SCLT1: variants seen among roughly 807,000 people sequenced by gnomAD.
SCLT1 encodes the protein sodium channel and clathrin linker 1.
Under a neutral mutation model 112.8 loss-of-function variants are expected in SCLT1, and 78 were observed. The observed-to-expected ratio is 0.69, with a 90% confidence interval of 0.58 to 0.83. The LOEUF (loss-of-function observed/expected upper bound fraction) is 0.83. Among genes scored for constraint, SCLT1 ranks in the 40% least tolerant of loss-of-function variants. The pLI, the probability that SCLT1 is intolerant of heterozygous loss-of-function variation, is 0.00. For missense variants in SCLT1, 747 were observed against 770.4 expected (o/e 0.97, Z 0.36); for synonymous variants, 257 against 254.7 (o/e 1.01, Z -0.09).
At chr4:129,046,841 T>C (rs1464289109) in intron 2 of SCLT1, among the ~76,000 whole-genome samples, 1 of 152,148 alleles carries the variant, frequency 6.6e-6, no homozygotes, top group Non-Finnish European at 1.5e-5. Flanking sequence ...ACTATGCTTT[T>C]CACTCTAGCC....
rs184520005 is a variant in SCLT1 at position 129,020,647 on chromosome 4, A to T, written c.291-16771T>A. 1.2e-4 allele frequency among the ~76,000 whole-genome samples: 19 copies of T among 152,328 alleles called. No individual in the cohort carries two copies. The East Asian group carries it at 3.7e-3, about 29-fold the overall frequency. ...AAGGCCATATGAACTGGTAAGAGGA[A>T]CACACCTGTAGATACATTCAGGTTT... On this transcript the variant is annotated intron_variant, in intron 5 of 20. Transcript: ENST00000281142.
intron 1 of SCLT1, among the ~76,000 whole-genome samples, chr4:129,088,891 A>G (rs1752611585): frequency 6.6e-6 from 1 of 152,250 alleles, no homozygotes. Flanking sequence ...ACCTAAAACT[A>G]TAAAAACCCT....
chr4:128,911,521 TC>T (rs1469617500), intron 18 of SCLT1, among the ~76,000 whole-genome samples: 2 of 152,168 alleles, frequency 1.3e-5, no homozygotes, highest in African/African-American at 2.4e-5. Flanking sequence ...ATACAGAAAC[TC>T]AAATTTTTAA....
At chr4:128,948,037 T>C (rs1447644844) in intron 15 of SCLT1, among the ~76,000 whole-genome samples, 1 of 152,058 alleles carries the variant, frequency 6.6e-6, no homozygotes, top group African/African-American at 2.4e-5. Context: ...TGGAAAAGAA[T>C]TGTATCCAGG....
intron 2 of SCLT1, among the ~76,000 whole-genome samples, chr4:129,074,421 T>C (rs189414549): frequency 1.1e-4 from 17 of 152,264 alleles, no homozygotes; most frequent in Admixed American, 9.2e-4. Context: ...AAAACAGAGA[T>C]AGAAAATCTT....
At chr4:128,939,809 T>G (rs1737527412) in intron 17 of SCLT1, among the ~76,000 whole-genome samples, 1 of 152,188 alleles carries the variant, frequency 6.6e-6, no homozygotes. Context: ...TGTCTTTATC[T>G]TTTTGGCTTC....
intron 5 of SCLT1, among the ~76,000 whole-genome samples, chr4:129,032,140 T>C (rs2126146187): frequency 6.6e-6 from 1 of 152,080 alleles, no homozygotes; most frequent in East Asian, 1.9e-4. Context: ...AAATCAGATA[T>C]ATATAGACCA....
chr4:129,003,703 A>G, intron 6 of SCLT1, 38 bp downstream of exon 6: 1 of 1,476,264 alleles, frequency 6.8e-7, no homozygotes, highest in Non-Finnish European at 9.3e-7. Flanking sequence ...AAGGTATGTT[A>G]ATTCAGAATA....
At chr4:129,083,327 A>T (rs1752117240) in intron 1 of SCLT1, among the ~76,000 whole-genome samples, 1 of 152,054 alleles carries the variant, frequency 6.6e-6, no homozygotes. Context: ...TCTTTTCAAG[A>T]TCACACAGAA....
chr4:128,939,885 C>A (rs935822706), intron 17 of SCLT1, among the ~76,000 whole-genome samples: 1 of 152,116 alleles, frequency 6.6e-6, no homozygotes. Flanking sequence ...GGTGTAGGTG[C>A]ACCAGGTTCC....
intron 12 of SCLT1, 71 bp downstream of exon 12, chr4:128,959,529 C>T: frequency 8.9e-7 from 1 of 1,123,902 alleles, no homozygotes; most frequent in Non-Finnish European, 1.3e-6. Flanking sequence ...TATTGAATCC[C>T]TTACTGTGAG....
intron 2 of SCLT1, among the ~76,000 whole-genome samples, chr4:129,070,248 T>C (rs181631276): frequency 1.3e-5 from 2 of 152,304 alleles, no homozygotes; most frequent in African/African-American, 4.8e-5. Flanking sequence ...TTGGTTTTGA[T>C]AATAGTGTGA....
At position 128,929,003 on chromosome 4, in the gene SCLT1, T is replaced by G. The variant is rs1736536744; in HGVS notation, c.1829+7652A>C. The stretch of plus-strand genomic sequence containing the variant: ...TTGGGAACAAGAATAAGAATCCTGA[T>G]TATCCCTACTCTGTGCATTGCATTG... On this transcript the variant is annotated intron_variant, in intron 18 of 20. Transcript: ENST00000281142. Among the ~76,000 whole-genome samples, 9 of 152,296 alleles carry G rather than the reference T, an allele frequency of 5.9e-5. No homozygotes were observed. The South Asian group carries it at 1.9e-3, about 32-fold the overall frequency.
intron 2 of SCLT1, among the ~76,000 whole-genome samples, chr4:129,075,706 C>T (rs1269871180): frequency 6.6e-6 from 1 of 152,104 alleles, no homozygotes; most frequent in African/African-American, 2.4e-5. Flanking sequence ...ACATTTCTAT[C>T]ATCAGAGAAA....
intron 18 of SCLT1, among the ~76,000 whole-genome samples, chr4:128,917,986 T>C (rs1468521497): frequency 3.3e-5 from 5 of 152,096 alleles, no homozygotes; most frequent in Non-Finnish European, 4.4e-5. Context: ...ACTTTGGTTA[T>C]GAACAAAGCA....
rs146590834 is a variant in SCLT1, at chr4:128,997,047, C to G, written c.615+827G>C. 2.6e-4 allele frequency among the ~76,000 whole-genome samples: 40 copies of G among 151,940 alleles called. No individual in the cohort carries two copies. The East Asian group carries it at 7.7e-3, about 29-fold the overall frequency. On this transcript the variant is annotated intron_variant, in intron 8 of 20. Coordinates refer to ENST00000281142, the MANE Select transcript of SCLT1 (RefSeq NM_144643.4). The stretch of plus-strand genomic sequence containing the variant: ...TCAGTAACCATTTTGTTCTGGAGTA[C>G]TAGTATTTTAAAACTCTAAGAAGTA...
Position 128,970,457 on chromosome 4 carries a change from A to G in SCLT1, c.698T>C (p.Leu233Ser), listed in dbSNP as rs1560909151. 1.9e-6 allele frequency: 3 copies of G among 1,598,598 alleles called. No individual in the cohort carries two copies. Among genetic ancestry groups the G allele is most frequent in the Non-Finnish European group, 2.6e-6 (3 of 1,166,742 alleles). Residue 233 changes from leucine to serine, a missense_variant, in exon 10 of 21, where the codon TTA becomes TCA. Leu to Ser is a moderately radical substitution (Grantham distance 145). This residue lies in a region of SCLT1 where 723 missense variants were observed against 721.3 expected (regional missense o/e 1.00). Transcript: ENST00000281142. ...TTTTGCTACAGCAACTCTCAGCTCT[A>G]ATTTGGCTTGCCTAAAAAATAAAGT... ...QLRKKLRQAK[L>S]ELRVAVAKVE...
chr4:129,052,503 T>G (rs1277318858), intron 2 of SCLT1, among the ~76,000 whole-genome samples: 1 of 152,084 alleles, frequency 6.6e-6, no homozygotes, highest in Non-Finnish European at 1.5e-5. Flanking sequence ...TTTTCAATTT[T>G]TTTTTTTGTA....
At chr4:129,089,293 A>C (rs1752641465) in intron 1 of SCLT1, among the ~76,000 whole-genome samples, 1 of 152,280 alleles carries the variant, frequency 6.6e-6, no homozygotes, top group South Asian at 2.1e-4. Flanking sequence ...AATGCAAATC[A>C]AAACCACAAT....
Sources: gnomAD v4.1 joint callset for allele counts (sites outside exome capture counted in the v4.1 genomes callset) on GRCh38, gnomAD v4.1.1 for gene constraint, gnomAD v4.1.1 regional missense constraint, MANE v1.5 for transcripts, NCBI Gene and HGNC (gene_info 2026-07-23, HGNC 2026-07-21) for gene names.